The following TRPT1 variants were observed in gnomAD, a reference collection of about 807,000 sequenced individuals.
TRPT1 encodes the protein tRNA phosphotransferase 1, also known as tRNA 2'-phosphotransferase 1.
TRPT1 carries 22 observed loss-of-function variants against 28.4 expected under a neutral mutation model. The observed-to-expected ratio is 0.78, with a 90% CI of 0.55 to 1.11. The LOEUF (loss-of-function observed/expected upper bound fraction) is 1.11. Among genes scored for constraint, TRPT1 ranks in the 50% least tolerant of loss-of-function variants. The pLI, the probability that TRPT1 is intolerant of heterozygous loss-of-function variation, is 0.00. For missense variants in TRPT1, 308 were observed against 317.7 expected, an observed-to-expected ratio of 0.97 and a Z score of 0.23; for synonymous variants, 137 against 132.4, an observed-to-expected ratio of 1.03 and a Z score of -0.24.
At chr11:64,224,996 G>A (rs1306459120) in intron 3 of TRPT1, 26 bp from the exon 4 acceptor site, 3 of 1,545,670 alleles carry the variant, frequency 1.9e-6, no homozygotes, top group Admixed American at 2.0e-5. Context: ...GTGCTCAGGA[G>A]CTAACCTTGC....
At position 64,224,944 on chromosome 11, in the gene TRPT1, G is replaced by C. The variant is rs771730049; in HGVS notation, c.184C>G (p.Leu62Val). 2 of 1,569,868 alleles carry C rather than the reference G, an allele frequency of 1.3e-6. No homozygotes were observed. Among genetic ancestry groups the C allele is most frequent in the Admixed American group, 1.9e-5 (1 of 53,296 alleles). ...AAGCCGCGGAACTGGGGCAACTGCA[G>C]GAGGGTGCCCAGGGGCACGAAGCCA... Reference protein sequence around the residue: ...ADGFVPLGTLLQLPQFRGFSA... With the variant: ...ADGFVPLGTLVQLPQFRGFSA... The change falls in exon 4 of 8, where the codon CTG becomes GTG. Residue 62 changes from leucine to valine, a missense_variant. Leu to Val is a conservative substitution (Grantham distance 32). Coordinates refer to ENST00000317459, the MANE Select transcript of TRPT1 (RefSeq NM_001033678.4).
intron 3 of TRPT1, 101 bp from the exon 4 acceptor site, chr11:64,225,071 C>T: frequency 3.8e-6 from 5 of 1,318,312 alleles, no homozygotes; most frequent in Non-Finnish European, 5.1e-6. Context: ...GCTTGGAGAT[C>T]GCTTGGGCAT....
chr11:64,224,449 CA>C, intron 5 of TRPT1, 93 bp downstream of exon 5: 1 of 1,592,158 alleles, frequency 6.3e-7, no homozygotes, highest in Non-Finnish European at 8.6e-7. Context: ...CCATGCCGGA[CA>C]TGGGGTGGCC....
chr11:64,224,723 T>G lies in TRPT1; in HGVS notation c.328-6A>C, dbSNP rs760071814. ...ATCAGCTCCAACTTAGGTACCTGGT[T>G]GAACGGGTAGCAGTGAGACCCCCTT... is the stretch of plus-strand genomic sequence containing the variant. On this transcript the variant is annotated splice_polypyrimidine_tract_variant and splice_region_variant and intron_variant, in intron 4 of 7. Transcript: ENST00000317459. The G allele has an allele frequency of 6.3e-7, 1 of 1,598,290 alleles. No homozygotes were observed. Among genetic ancestry groups the G allele is most frequent in the Non-Finnish European group, 8.5e-7 (1 of 1,169,964 alleles).
At position 64,224,891 on chromosome 11, in the gene TRPT1, C is replaced by T. The variant is rs1243773413; in HGVS notation, c.237G>A (p.Val79=). The change falls in exon 4 of 8, where the codon GTG becomes GTA. Residue 79 remains valine, a synonymous_variant. Coordinates refer to ENST00000317459, the MANE Select transcript of TRPT1 (RefSeq NM_001033678.4). ...GFSAEDVQRV[V]DTNRKQRFAL... is the part of the protein sequence containing the mutation. ...CGAACCGCTGCTTCCTATTGGTGTC[C>T]ACCACGCGCTGCACATCTTCAGCAG... is the stretch of plus-strand genomic sequence containing the variant. 6.2e-7 allele frequency: 1 copy of T among 1,608,466 alleles called. No individual in the cohort carries two copies. The highest frequency in any genetic ancestry group is 8.5e-7 in the Non-Finnish European group (1 of 1,177,956).
At position 64,224,640 on chromosome 11, in the gene TRPT1, C is replaced by A; in HGVS notation, c.405G>T (p.Lys135Asn). ...CTTTGAGTAGGATGGATGGCCAGTG[C>A]TTCCAGAATGTACCATGGACTAGCA... is the stretch of plus-strand genomic sequence containing the variant. The part of the protein sequence containing the change: ...PPMLVHGTFW[K>N]HWPSILLKGL... Residue 135 changes from lysine (K) to asparagine (N), a missense_variant, in exon 5 of 8, where the codon AAG becomes AAT. Coordinates refer to ENST00000317459, the MANE Select transcript of TRPT1 (RefSeq NM_001033678.4). 6.2e-7 allele frequency: 1 copy of A among 1,608,598 alleles called. No homozygotes were observed. The highest frequency in any genetic ancestry group is 1.1e-5 in the South Asian group (1 of 90,220).
rs200103421 is a variant in TRPT1, at chr11:64,224,589, G to A, written c.456C>T (p.His152=). 2.2e-5 allele frequency: 35 copies of A among 1,592,356 alleles called. No individual in the cohort carries two copies. Among genetic ancestry groups the A allele is most frequent in the Non-Finnish European group, 2.8e-5 (33 of 1,168,354 alleles). ...CAGGCAGTCCTGGGGCCAGGTGAAT[G>A]TGCGTCCTTCCCTGGCAGGACAGGC... ...LKGLSCQGRT[H]IHLAPGLPGD... is the part of the protein sequence containing the mutation. Residue 152 remains histidine, a synonymous_variant, in exon 5 of 8, where the codon CAC becomes CAT. Transcript: ENST00000317459.
Position 64,224,696 on chromosome 11 carries a change from G to A in TRPT1, c.349C>T (p.Pro117Ser). The A allele has an allele frequency of 6.3e-7, 1 of 1,597,934 alleles. No homozygotes were observed. Among genetic ancestry groups the A allele is most frequent in the Non-Finnish European group, 8.5e-7 (1 of 1,170,744 alleles). Residue 117 changes from proline to serine, a missense_variant, in exon 5 of 8, where the codon CCC (proline) becomes TCC (serine). Physicochemically the swap from Pro to Ser is moderately conservative, Grantham distance 74. Coordinates refer to ENST00000317459, the MANE Select transcript of TRPT1 (RefSeq NM_001033678.4). ...GGCAGGGCCTGCGGTGTCTCCAGGG[G>A]CATCAGCTCCAACTTAGGTACCTGG... Reference protein sequence around the residue: ...SLQVPKLELMPLETPQALPPM... With the variant: ...SLQVPKLELMSLETPQALPPM...
rs750871550 is a variant in TRPT1, at chr11:64,224,283, A to G, written c.559+2T>C. On this transcript the variant is annotated splice_donor_variant, in intron 6 of 7. Transcript: ENST00000317459. LOFTEE classifies it high-confidence loss of function. ...GGCAGCTCCTGCTTTGTCCAGACTC[A>G]CCTGCCAGAGCCAGGGGTCCATCGA... 11 of 1,613,702 alleles carry G rather than the reference A, an allele frequency of 6.8e-6. No individual in the cohort carries two copies. Among genetic ancestry groups the G allele is most frequent in the South Asian group, 6.6e-5 (6 of 91,084 alleles).
rs531544635 is a variant in TRPT1 at position 64,225,864 on chromosome 11, T to G, written c.-4A>C. 2.8e-5 allele frequency: 43 copies of G among 1,552,418 alleles called. No individual in the cohort carries two copies. The highest frequency in any genetic ancestry group is 9.8e-5 in the Admixed American group (5 of 51,066). On this transcript the variant is annotated 5_prime_UTR_variant, in exon 2 of 8. Coordinates refer to ENST00000317459, the MANE Select transcript of TRPT1 (RefSeq NM_001033678.4). ...TCCCTCCTCCAGAGAAGTTCATGGT[T>G]AAGACCTGTGGGGGGCAGTGACGAG...
Position 64,224,876 on chromosome 11 carries a change from CT to C in TRPT1, c.251del (p.Lys84SerfsTer32), listed in dbSNP as rs777676465. ...CCCCCAGCTGCAGGGCGAACCGCTG[CT>C]TCCTATTGGTGTCCACCACGCGCTG... is the stretch of plus-strand genomic sequence containing the variant. ...DVQRVVDTNR[K>X]QRFALQLGDP... On this transcript the variant is annotated frameshift_variant, in exon 4 of 8. Coordinates refer to ENST00000317459, the MANE Select transcript of TRPT1 (RefSeq NM_001033678.4). LOFTEE classifies it high-confidence loss of function. The C allele has an allele frequency of 1.3e-4, 213 of 1,611,956 alleles. No homozygotes were observed. The highest frequency in any genetic ancestry group is 3.3e-4 in the Middle Eastern group (2 of 6,058).
At position 64,223,914 on chromosome 11, in the gene TRPT1, T is replaced by C. The variant is rs756359362; in HGVS notation, c.724A>G (p.Lys242Glu). The stretch of plus-strand genomic sequence containing the variant: ...CTCCTCCTTTCTCTGGAGCTGTGCT[T>C]GGGGCTACTCTGACACTCTGTCTCT... ...DEETECQSSP[K>E]HSSRERRRIQ... Residue 242 changes from lysine (K) to glutamate (E), a missense_variant, in exon 8 of 8, where the codon AAG becomes GAG. Physicochemically the swap from Lys to Glu is moderately conservative, Grantham distance 56 (BLOSUM62 1). Coordinates refer to ENST00000317459, the MANE Select transcript of TRPT1 (RefSeq NM_001033678.4). 6.2e-7 allele frequency: 1 copy of C among 1,613,808 alleles called. No individual in the cohort carries two copies. Among genetic ancestry groups the C allele is most frequent in the Non-Finnish European group, 8.5e-7 (1 of 1,179,798 alleles).
chr11:64,225,276 T>G, intron 3 of TRPT1: 1 of 609,886 alleles, frequency 1.6e-6, no homozygotes, highest in Non-Finnish European at 2.9e-6. Flanking sequence ...ATCTGGCTGC[T>G]TGGCTGGAGG....
chr11:64,224,064 G>A (rs2134915526), intron 7 of TRPT1, 36 bp downstream of exon 7: 1 of 1,597,944 alleles, frequency 6.3e-7, no homozygotes, highest in Non-Finnish European at 8.6e-7. Context: ...ACAGCTTTCA[G>A]GAACAAGGAA....
rs1276814724 is a variant in TRPT1, at chr11:64,226,061, CG to C, written c.-22del. The C allele has an allele frequency of 5.2e-6, 3 of 573,836 alleles. No individual in the cohort carries two copies. The African/African-American group carries it at 5.7e-5, about 11-fold the overall frequency. The allele number at this position is 573,836 out of a possible 1,614,324, so 35.5% of individuals were successfully genotyped here. A position where few individuals can be genotyped will look rare whatever the true frequency, so the allele number is the denominator to read the frequency against. On this transcript the variant is annotated 5_prime_UTR_variant, in exon 1 of 8. Transcript: ENST00000317459. ...CAGGCCAGACTTGCCCAAGGTCACA[CG>C]GTCAGCCAGGAGCGCAGGGAGGCCG...
rs1946813847 is a variant in TRPT1, at chr11:64,224,173, A to G, written c.597T>C (p.Ile199=). 4 of 1,607,964 alleles carry G rather than the reference A, an allele frequency of 2.5e-6. No individual in the cohort carries two copies. The African/African-American group carries it at 4.0e-5, about 16-fold the overall frequency. Reference sequence around the variant, plus strand: ...AGCCATCAGTATTCCCTGGAGTCAGAATCACCCCATTGGCAGAGCGGAAGA... The same window carrying G: ...AGCCATCAGTATTCCCTGGAGTCAGGATCACCCCATTGGCAGAGCGGAAGA... The part of the protein sequence containing the change: ...IPFFRSANGV[I]LTPGNTDGFL... Residue 199 remains isoleucine, a synonymous_variant, in exon 7 of 8, where the codon ATT becomes ATC. Coordinates refer to ENST00000317459, the MANE Select transcript of TRPT1 (RefSeq NM_001033678.4).
Position 64,223,836 on chromosome 11 carries a change from C to T in TRPT1, c.*40G>A, listed in dbSNP as rs1059430. 1.7e-5 allele frequency: 24 copies of T among 1,375,220 alleles called. No individual in the cohort carries two copies. The South Asian group carries it at 3.1e-4, about 18-fold the overall frequency. 85.2% of individuals were successfully genotyped at this position (1,375,220 alleles called of 1,614,324 possible). A position where few individuals can be genotyped will look rare whatever the true frequency, so the allele number is the denominator to read the frequency against. On this transcript the variant is annotated 3_prime_UTR_variant, in exon 8 of 8. Coordinates refer to ENST00000317459, the MANE Select transcript of TRPT1 (RefSeq NM_001033678.4). ...AAACATGGTTTCAAACGAGTTCTTT[C>T]TTGTTACTTTTTAAAATTTCTTTTT...
intron 3 of TRPT1, 136 bp downstream of exon 3, chr11:64,225,361 GCT>G (rs1946929135): frequency 4.3e-6 from 3 of 698,386 alleles, no homozygotes; most frequent in Non-Finnish European, 7.3e-6. Flanking sequence ...TCTAGGCCTT[GCT>G]CTCCTCTGTG....
Position 64,225,491 on chromosome 11 carries a change from C to T in TRPT1, c.157+8G>A. 6.2e-7 allele frequency: 1 copy of T among 1,611,920 alleles called. No homozygotes were observed. Among genetic ancestry groups the T allele is most frequent in the Non-Finnish European group, 8.5e-7 (1 of 1,178,986 alleles). On this transcript the variant is annotated splice_region_variant and intron_variant, in intron 3 of 7. Transcript: ENST00000317459. The stretch of plus-strand genomic sequence containing the variant: ...GCTCAAGCCCCAGCCTCCAAGGCCC[C>T]TACTTACCAGCTCCCATGGGAAGCC...
Sources: allele counts gnomAD v4.1 joint callset, GRCh38; gene constraint gnomAD v4.1.1; transcripts MANE v1.5; gene names NCBI Gene and HGNC (gene_info 2026-07-23, HGNC 2026-07-21).